Variants in SLC8A1 observed in about 807,000 individuals in gnomAD.
The protein encoded by SLC8A1 is sodium/calcium exchanger 1.
Under a neutral mutation model 68.3 loss-of-function variants are expected in SLC8A1, and 18 were observed. The ratio of observed to expected loss-of-function variants is 0.26; its 90% confidence interval spans 0.18 to 0.39. The LOEUF is 0.39. Among genes scored for constraint, SLC8A1 ranks in the 10% least tolerant of loss-of-function variants. The pLI, the probability that SLC8A1 is intolerant of heterozygous loss-of-function variation, is 1.00. For synonymous variants in SLC8A1, 475 were observed against 415.5 expected (o/e 1.14, Z -1.74); for missense variants, 985 against 1,156.7 (o/e 0.85, Z 2.15).
intron 7 of SLC8A1, among the ~76,000 whole-genome samples, chr2:40,123,483 T>G (rs2037385199): frequency 6.6e-6 from 1 of 152,184 alleles, no homozygotes; most frequent in African/African-American, 2.4e-5. Flanking sequence ...CTCACTTCAC[T>G]GGTTCATGTA....
At chr2:40,298,643 G>C (rs940279846) in intron 2 of SLC8A1, among the ~76,000 whole-genome samples, 5 of 152,122 alleles carry the variant, frequency 3.3e-5, no homozygotes, top group Admixed American at 6.6e-5. Context: ...AAAGAAATTA[G>C]AAGGCTATGG....
At chr2:40,103,271 T>C (rs2034006495) in exon 8 of SLC8A1, 1 of 152,218 alleles carries the variant, frequency 6.6e-6, no homozygotes, top group Admixed American at 6.5e-5. Context: ...CATGGAAATG[T>C]CTACATTCTT....
chr2:40,220,390 G>C (rs906105372), intron 2 of SLC8A1: 2 of 152,192 alleles, frequency 1.3e-5, no homozygotes, highest in African/African-American at 4.8e-5. Context: ...TCATTAGTGA[G>C]TCATGTTTAA....
chr2:40,324,222 C>A (rs2075554560), intron 2 of SLC8A1, among the ~76,000 whole-genome samples: 1 of 152,020 alleles, frequency 6.6e-6, no homozygotes, highest in Non-Finnish European at 1.5e-5. Flanking sequence ...TAGATCGATA[C>A]TGGGTTAAAA....
chr2:40,504,188 C>T (rs1488005599), intron 1 of SLC8A1, among the ~76,000 whole-genome samples: 4 of 151,788 alleles, frequency 2.6e-5, no homozygotes, highest in Admixed American at 6.6e-5. Flanking sequence ...TACAAAGTTG[C>T]CAAGAACATA....
chr2:40,488,527 T>C (rs1705115759), intron 1 of SLC8A1, among the ~76,000 whole-genome samples: 2 of 151,988 alleles, frequency 1.3e-5, no homozygotes, highest in African/African-American at 2.4e-5. Flanking sequence ...ATGAACATGT[T>C]CCCTTTTAAC....
At chr2:40,426,598 CT>C (rs1217696339) in intron 2 of SLC8A1, among the ~76,000 whole-genome samples, 1 of 152,064 alleles carries the variant, frequency 6.6e-6, no homozygotes, top group Admixed American at 6.6e-5. Flanking sequence ...TAGGGAAAGA[CT>C]GCTTTTCAGA....
chr2:40,478,991 C>CA lies in SLC8A1; in HGVS notation c.-25+33357dup, dbSNP rs1359541744. On this transcript the variant is annotated intron_variant, in intron 1 of 7. Transcript: ENST00000402441. Reference sequence around the variant, plus strand: ...TTCACCATGTTGGCCAGGATAGTCTCAAACTCCTGATCGCAGGTGATCCGC... The same window carrying CA: ...TTCACCATGTTGGCCAGGATAGTCTCAAAACTCCTGATCGCAGGTGATCCGC... 8.7e-4 allele frequency among the ~76,000 whole-genome samples: 133 copies of CA among 152,224 alleles called. 1 individual carries two copies. Among genetic ancestry groups the CA allele is most frequent in the Non-Finnish European group, 2.9e-5 (2 of 68,008 alleles).
chr2:40,249,410 A>G (rs1030247742), intron 2 of SLC8A1, among the ~76,000 whole-genome samples: 2 of 152,214 alleles, frequency 1.3e-5, no homozygotes. Context: ...TTACATCAGC[A>G]TTTTTCAAAA....
At chr2:40,433,682 G>C (rs1345108519) in intron 1 of SLC8A1, among the ~76,000 whole-genome samples, 1 of 152,144 alleles carries the variant, frequency 6.6e-6, no homozygotes, top group Non-Finnish European at 1.5e-5. Flanking sequence ...AGTACTTGCT[G>C]AAAGTCATAC....
chr2:40,122,413 G>C (rs987950402), intron 7 of SLC8A1, among the ~76,000 whole-genome samples: 66 of 152,272 alleles, frequency 4.3e-4, no homozygotes, highest in African/African-American at 1.5e-3. Flanking sequence ...TCCCTGAAGA[G>C]GGTAAAGAAG....
chr2:40,222,960 C>T (rs865846222), intron 2 of SLC8A1, among the ~76,000 whole-genome samples: 5 of 152,078 alleles, frequency 3.3e-5, no homozygotes, highest in Admixed American at 6.6e-5. Context: ...AAAAGTGTGG[C>T]GATTCCTCAA....
intron 2 of SLC8A1, among the ~76,000 whole-genome samples, chr2:40,316,773 T>G (rs963012883): frequency 6.6e-6 from 1 of 151,908 alleles, no homozygotes; most frequent in Non-Finnish European, 1.5e-5. Context: ...CTCCCCCAAT[T>G]TGTGTTTTAT....
At chr2:40,359,851 C>T (rs1022334050) in intron 2 of SLC8A1, among the ~76,000 whole-genome samples, 2 of 151,444 alleles carry the variant, frequency 1.3e-5, no homozygotes, top group African/African-American at 4.9e-5. Flanking sequence ...TGCAGCTTTT[C>T]AGGTAGGCTT....
At chr2:40,487,101 G>A (rs1217753047) in intron 1 of SLC8A1, among the ~76,000 whole-genome samples, 3 of 151,836 alleles carry the variant, frequency 2.0e-5, no homozygotes, top group Non-Finnish European at 4.4e-5. Flanking sequence ...GCAGAAGTTG[G>A]TATTGTTTAA....
intron 2 of SLC8A1, among the ~76,000 whole-genome samples, chr2:40,369,491 T>C (rs890901436): frequency 3.3e-5 from 5 of 152,084 alleles, no homozygotes; most frequent in African/African-American, 1.2e-4. Context: ...AGATTTAGCA[T>C]TGCTAATGTT....
chr2:40,275,365 G>C (rs147969326), intron 2 of SLC8A1, among the ~76,000 whole-genome samples: 1 of 152,334 alleles, frequency 6.6e-6, no homozygotes, highest in Non-Finnish European at 1.5e-5. Context: ...AGGATCCAAA[G>C]AGTTAGCTGT....
intron 2 of SLC8A1, among the ~76,000 whole-genome samples, chr2:40,368,955 T>A (rs1035289351): frequency 6.6e-6 from 1 of 151,664 alleles, no homozygotes; most frequent in Non-Finnish European, 1.5e-5. Flanking sequence ...CCTTACTCAA[T>A]CAATTGTGCT....
exon 8 of SLC8A1, chr2:40,113,734 G>T (rs541841959): frequency 1.3e-5 from 2 of 152,776 alleles, no homozygotes; most frequent in African/African-American, 4.8e-5. Context: ...GCAGGGAGGG[G>T]TGTTGTGGAA....
Sources: gnomAD v4.1 joint callset for allele counts (sites outside exome capture counted in the v4.1 genomes callset) on GRCh38, gnomAD v4.1.1 for gene constraint, MANE v1.5 for transcripts, NCBI Gene and HGNC (gene_info 2026-07-23, HGNC 2026-07-21) for gene names.